Variants in ESRP1 observed in about 807,000 individuals in gnomAD.
ESRP1 encodes the protein epithelial splicing regulatory protein 1.
In ESRP1, 33 loss-of-function variants were observed where a neutral mutation model predicts 81.7. The ratio of observed to expected loss-of-function variants is 0.40; its 90% CI spans 0.31 to 0.54. ESRP1 has a LOEUF of 0.54. Among genes scored for constraint, ESRP1 ranks in the 20% least tolerant of loss-of-function variants. The pLI is 0.41. For missense variants in ESRP1, 672 were observed against 833.1 expected (o/e 0.81, Z 2.38); for synonymous variants, 320 against 303.3 (o/e 1.06, Z -0.57).
chr8:94,668,076 T>TG lies in ESRP1; in HGVS notation c.1064dup (p.Glu357GlyfsTer12). The TG allele has an allele frequency of 6.2e-7, 1 of 1,613,982 alleles. No homozygotes were observed. The highest frequency in any genetic ancestry group is 8.5e-7 in the Non-Finnish European group (1 of 1,179,890). ...TCTTTGGACAGCATTGCCCTATTAC[T>TG]GGGGGAAAGGAAGGCATCCTCTTTG... is the stretch of plus-strand genomic sequence containing the variant. On this transcript the variant is annotated frameshift_variant, in exon 10 of 16. Transcript: ENST00000433389. LOFTEE classifies it high-confidence loss of function.
chr8:94,670,809 A>T (rs1819279223), intron 10 of ESRP1, among the ~76,000 whole-genome samples: 1 of 152,242 alleles, frequency 6.6e-6, no homozygotes, highest in Non-Finnish European at 1.5e-5. Flanking sequence ...CACTGTCTCA[A>T]ATTCACAGGG....
rs1563549897 is a variant in ESRP1 at position 94,696,932 on chromosome 8, CCAG to C, written c.*10_*12del. On this transcript the variant is annotated 3_prime_UTR_variant, in exon 15 of 16. Transcript: ENST00000433389. ...AAGAATGGGTTTGTATTTAAGGGCC[CCAG>C]CAGTTAGAACATCCTCAGAAAAGAA... The C allele has an allele frequency of 6.3e-7, 1 of 1,577,616 alleles. No individual in the cohort carries two copies.
chr8:94,665,810 GAA>G lies in ESRP1; in HGVS notation c.931+617_931+618del, dbSNP rs1212944611. 8.5e-3 allele frequency among the ~76,000 whole-genome samples: 1,289 copies of G among 152,240 alleles called. 23 individuals are homozygous for G. The highest frequency in any genetic ancestry group is 0.029 in the African/African-American group (1,215 of 41,538). On this transcript the variant is annotated intron_variant, in intron 9 of 15. Transcript: ENST00000433389. ...TGCCCGGCCAGGAAATGATATTCTT[GAA>G]AAGAGTCAGAAAACTGCTTTCAAAC...
intron 15 of ESRP1, among the ~76,000 whole-genome samples, chr8:94,701,357 T>A (rs557238539): frequency 6.6e-6 from 1 of 151,262 alleles, no homozygotes; most frequent in Non-Finnish European, 1.5e-5. Context: ...CACAGCGAGG[T>A]CTGGTAAAGA....
chr8:94,661,064 A>T (rs1188260431), intron 4 of ESRP1, among the ~76,000 whole-genome samples: 3 of 152,098 alleles, frequency 2.0e-5, no homozygotes, highest in African/African-American at 7.2e-5. Flanking sequence ...ATTTTTGGAG[A>T]CAGAGTCTAC....
At chr8:94,686,651 T>C (rs1176972196) in intron 13 of ESRP1, among the ~76,000 whole-genome samples, 1 of 152,206 alleles carries the variant, frequency 6.6e-6, no homozygotes, top group Non-Finnish European at 1.5e-5. Context: ...TCCTCTATGG[T>C]CCTATCAATT....
At chr8:94,651,165 A>G (rs969596935) in intron 4 of ESRP1, among the ~76,000 whole-genome samples, 6 of 152,086 alleles carry the variant, frequency 3.9e-5, no homozygotes, top group African/African-American at 1.4e-4. Flanking sequence ...ATTTAAAAAA[A>G]CAGTATGTGG....
intron 4 of ESRP1, among the ~76,000 whole-genome samples, chr8:94,658,801 G>T (rs1318848548): frequency 6.6e-6 from 1 of 152,146 alleles, no homozygotes; most frequent in Admixed American, 6.5e-5. Flanking sequence ...GCTATAAGGG[G>T]CTAGAAAGTC....
At chr8:94,696,095 C>A (rs184957100) in intron 14 of ESRP1, among the ~76,000 whole-genome samples, 6 of 152,270 alleles carry the variant, frequency 3.9e-5, no homozygotes, top group African/African-American at 1.4e-4. Context: ...CTCTTTGTGT[C>A]TTCCATACTT....
chr8:94,703,633 T>A (rs1809937534), intron 15 of ESRP1, among the ~76,000 whole-genome samples: 1 of 152,212 alleles, frequency 6.6e-6, no homozygotes, highest in South Asian at 2.1e-4. Flanking sequence ...AAGTTGGTAC[T>A]CACTGACTCT....
At chr8:94,650,104 C>T (rs956088164) in intron 4 of ESRP1, among the ~76,000 whole-genome samples, 2 of 152,140 alleles carry the variant, frequency 1.3e-5, no homozygotes, top group Non-Finnish European at 2.9e-5. Flanking sequence ...CCTACATTGA[C>T]ATGTCAATAT....
chr8:94,690,428 C>G (rs557574212), intron 13 of ESRP1, among the ~76,000 whole-genome samples: 1 of 151,706 alleles, frequency 6.6e-6, no homozygotes, highest in African/African-American at 2.4e-5. Flanking sequence ...CCACTGCACC[C>G]GGCCTAGAAT....
intron 13 of ESRP1, among the ~76,000 whole-genome samples, chr8:94,685,451 A>G (rs1809098757): frequency 1.3e-5 from 2 of 152,190 alleles, no homozygotes; most frequent in Non-Finnish European, 1.5e-5. Context: ...TTGAGGCTGC[A>G]GTGAGCTGTG....
chr8:94,641,460 C>T lies in ESRP1; in HGVS notation c.132+10C>T. ...TCTGGCCAACAAGAAGGTATTTCTC[C>T]ACATTTTCGTCTAAATGCAAGGAAT... On this transcript the variant is annotated intron_variant, in intron 1 of 15. Coordinates refer to ENST00000433389, the MANE Select transcript of ESRP1 (RefSeq NM_017697.4). 1.2e-6 allele frequency: 2 copies of T among 1,613,870 alleles called. No homozygotes were observed. The highest frequency in any genetic ancestry group is 1.7e-6 in the Non-Finnish European group (2 of 1,179,862).
intron 4 of ESRP1, among the ~76,000 whole-genome samples, chr8:94,656,435 A>G (rs968920195): frequency 2.0e-5 from 3 of 151,966 alleles, no homozygotes; most frequent in African/African-American, 4.8e-5. Context: ...GTTAGCCAGG[A>G]TGGTCTCGAT....
At chr8:94,665,698 G>A (rs944990710) in intron 9 of ESRP1, among the ~76,000 whole-genome samples, 1 of 152,056 alleles carries the variant, frequency 6.6e-6, no homozygotes, top group Non-Finnish European at 1.5e-5. Context: ...TCACCATGTT[G>A]GCCAAGCTGG....
At chr8:94,680,723 G>A (rs916632442) in intron 13 of ESRP1, among the ~76,000 whole-genome samples, 1 of 151,924 alleles carries the variant, frequency 6.6e-6, no homozygotes, top group Non-Finnish European at 1.5e-5. Context: ...CACCACGCTC[G>A]GTGAAAAACA....
At chr8:94,646,850 T>C (rs1429332436) in intron 4 of ESRP1, among the ~76,000 whole-genome samples, 3 of 152,222 alleles carry the variant, frequency 2.0e-5, no homozygotes, top group South Asian at 2.1e-4. Flanking sequence ...TGATGCATGA[T>C]ATATTGTAAA....
At chr8:94,641,548 C>T in intron 1 of ESRP1, 98 bp downstream of exon 1, 1 of 1,527,822 alleles carries the variant, frequency 6.5e-7, no homozygotes, top group Non-Finnish European at 9.0e-7. Context: ...TAAATAAGTG[C>T]TCTTGTTTGC....
Sources: allele counts gnomAD v4.1 joint callset (sites outside exome capture counted in the v4.1 genomes callset), GRCh38; gene constraint gnomAD v4.1.1; transcripts MANE v1.5; gene names NCBI Gene and HGNC (gene_info 2026-07-23, HGNC 2026-07-21).